Variants in SNTG1 observed in about 807,000 individuals in gnomAD.
The protein encoded by SNTG1 is gamma-1-syntrophin.
A neutral mutation model predicts 74.7 loss-of-function variants in SNTG1; 39 were observed. The observed-to-expected ratio is 0.52, with a 90% CI of 0.40 to 0.68. SNTG1 has a LOEUF of 0.68. Among genes scored for constraint, SNTG1 ranks in the 30% least tolerant of loss-of-function variants. The pLI is 0.00. For missense variants in SNTG1, 685 were observed against 609.5 expected, an observed-to-expected ratio of 1.12 and a Z score of -1.30; for synonymous variants, 254 against 217.1, an observed-to-expected ratio of 1.17 and a Z score of -1.49.
chr8:50,509,012 T>G (rs1186051560), intron 9 of SNTG1, among the ~76,000 whole-genome samples: 1 of 152,160 alleles, frequency 6.6e-6, no homozygotes, highest in African/African-American at 2.4e-5. Context: ...ATGTCCTGAA[T>G]GGTATTGCTT....
intron 1 of SNTG1, among the ~76,000 whole-genome samples, chr8:50,006,652 G>T (rs1815267676): frequency 6.6e-6 from 1 of 152,094 alleles, no homozygotes; most frequent in Non-Finnish European, 1.5e-5. Context: ...GAGCCTGTGA[G>T]GTGCTATTTA....
At chr8:50,560,828 G>A (rs1304188616) in intron 12 of SNTG1, among the ~76,000 whole-genome samples, 1 of 151,982 alleles carries the variant, frequency 6.6e-6, no homozygotes, top group African/African-American at 2.4e-5. Flanking sequence ...GTTTATCTGT[G>A]TAACAAACCT....
intron 13 of SNTG1, among the ~76,000 whole-genome samples, chr8:50,642,249 T>C (rs1299972973): frequency 6.6e-6 from 1 of 152,198 alleles, no homozygotes; most frequent in Non-Finnish European, 1.5e-5. Flanking sequence ...AAGCCTTCCC[T>C]GCTGCCAATG....
intron 2 of SNTG1, among the ~76,000 whole-genome samples, chr8:50,268,644 T>C (rs1405070926): frequency 7.0e-6 from 1 of 143,176 alleles, no homozygotes; most frequent in Non-Finnish European, 1.5e-5. Context: ...TACATACTCA[T>C]ACATATTCAA....
chr8:50,249,898 ACACAAGAAACAAAAAAG>A (rs1486734193), intron 2 of SNTG1, among the ~76,000 whole-genome samples: 1 of 152,178 alleles, frequency 6.6e-6, no homozygotes, highest in African/African-American at 2.4e-5. Flanking sequence ...CAAGGTAGGG[ACACAAGAAACAAAAAAG>A]CAAAAAATAT....
At chr8:50,350,942 G>T (rs1345093929) in intron 2 of SNTG1, among the ~76,000 whole-genome samples, 1 of 152,194 alleles carries the variant, frequency 6.6e-6, no homozygotes, top group African/African-American at 2.4e-5. Context: ...AGGTCCCCTT[G>T]GAGGCTGTGG....
At chr8:50,154,099 A>T (rs912420709) in intron 1 of SNTG1, among the ~76,000 whole-genome samples, 3 of 152,082 alleles carry the variant, frequency 2.0e-5, no homozygotes, top group Non-Finnish European at 2.9e-5. Context: ...AGCCTCAGCA[A>T]TGGTGGGCAC....
At chr8:50,232,659 A>C (rs1435036109) in intron 2 of SNTG1, among the ~76,000 whole-genome samples, 1 of 151,564 alleles carries the variant, frequency 6.6e-6, no homozygotes, top group Admixed American at 6.6e-5. Context: ...TTTGTAGATC[A>C]CATGATCACC....
At chr8:50,066,749 C>T (rs1429046630) in intron 1 of SNTG1, among the ~76,000 whole-genome samples, 3 of 152,162 alleles carry the variant, frequency 2.0e-5, no homozygotes, top group Non-Finnish European at 1.5e-5. Flanking sequence ...TGGGAATATT[C>T]TAATTGCATG....
intron 1 of SNTG1, among the ~76,000 whole-genome samples, chr8:50,104,601 C>T (rs1022374723): frequency 3.3e-5 from 5 of 152,080 alleles, no homozygotes; most frequent in Admixed American, 6.6e-5. Context: ...TCGCCGTCTG[C>T]TAGCTTTTGA....
chr8:50,399,861 T>C (rs748381134), intron 3 of SNTG1, among the ~76,000 whole-genome samples: 11 of 152,222 alleles, frequency 7.2e-5, no homozygotes, highest in Non-Finnish European at 1.5e-4. Context: ...AAGTATTCTC[T>C]AGATTAGTCA....
intron 12 of SNTG1, among the ~76,000 whole-genome samples, chr8:50,556,792 T>C (rs1406852151): frequency 6.6e-6 from 1 of 152,200 alleles, no homozygotes; most frequent in African/African-American, 2.4e-5. Flanking sequence ...ACCTTCCATG[T>C]GCGTTGGCTC....
chr8:50,267,881 A>G (rs1037446041), intron 2 of SNTG1, among the ~76,000 whole-genome samples: 1 of 152,232 alleles, frequency 6.6e-6, no homozygotes. Flanking sequence ...CCTAGAAATC[A>G]TGAACAAAGC....
At position 50,308,637 on chromosome 8, in the gene SNTG1, G is replaced by A. The variant is rs116719814; in HGVS notation, c.-27-85575G>A. ...CCAAGTTATATTAAATATATAGTCA[G>A]CTGGGTAGAGCACACTACCATTAAT... On this transcript the variant is annotated intron_variant, in intron 2 of 18. Transcript: ENST00000642720. 6.0e-3 allele frequency among the ~76,000 whole-genome samples: 914 copies of A among 152,146 alleles called. 9 individuals are homozygous for A. The highest frequency in any genetic ancestry group is 0.021 in the African/African-American group (861 of 41,522).
At chr8:50,182,179 G>A (rs554276616) in intron 2 of SNTG1, among the ~76,000 whole-genome samples, 1 of 152,274 alleles carries the variant, frequency 6.6e-6, no homozygotes, top group East Asian at 1.9e-4. Flanking sequence ...AAATGCCTAA[G>A]GGTTGAAGAG....
At chr8:50,387,045 G>A (rs1227617852) in intron 2 of SNTG1, among the ~76,000 whole-genome samples, 2 of 152,090 alleles carry the variant, frequency 1.3e-5, no homozygotes, top group East Asian at 3.9e-4. Flanking sequence ...TAAAAATTTA[G>A]TAGGCTTCCT....
At chr8:50,301,195 C>T (rs1190835045) in intron 2 of SNTG1, among the ~76,000 whole-genome samples, 2 of 152,036 alleles carry the variant, frequency 1.3e-5, no homozygotes, top group Non-Finnish European at 2.9e-5. Context: ...GCATCTCAGA[C>T]TCACATTACA....
intron 1 of SNTG1, among the ~76,000 whole-genome samples, chr8:50,089,066 C>T (rs1823208792): frequency 6.6e-6 from 1 of 151,660 alleles, no homozygotes; most frequent in Non-Finnish European, 1.5e-5. Flanking sequence ...AGATGTAGAT[C>T]AATGGAACAG....
At chr8:50,261,314 C>A (rs949313830) in intron 2 of SNTG1, among the ~76,000 whole-genome samples, 1 of 152,052 alleles carries the variant, frequency 6.6e-6, no homozygotes, top group African/African-American at 2.4e-5. Flanking sequence ...TGAAATTATT[C>A]TTCAAAAGTA....
Sources: gnomAD v4.1 joint callset for allele counts (sites outside exome capture counted in the v4.1 genomes callset) on GRCh38, gnomAD v4.1.1 for gene constraint, MANE v1.5 for transcripts, NCBI Gene and HGNC (gene_info 2026-07-23, HGNC 2026-07-21) for gene names.